VPS13B: variants seen among roughly 807,000 people sequenced by gnomAD.
VPS13B encodes intermembrane lipid transfer protein VPS13B.
Under a neutral mutation model 426.4 loss-of-function variants are expected in VPS13B, and 285 were observed. The observed-to-expected ratio is 0.67, with a 90% confidence interval of 0.61 to 0.74. VPS13B has a LOEUF of 0.74. Ranked by LOEUF, VPS13B falls within the 30% of genes least tolerant of loss-of-function variation. VPS13B has a pLI of 0.00. For synonymous variants in VPS13B, 1,676 were observed against 1,676.4 expected, an observed-to-expected ratio of 1.00 and a Z score of 0.01; for missense variants, 4,537 against 4,782.6, an observed-to-expected ratio of 0.95 and a Z score of 1.51.
intron 19 of VPS13B, among the ~76,000 whole-genome samples, chr8:99,276,278 G>A (rs1818890859): frequency 6.6e-6 from 1 of 152,110 alleles, no homozygotes; most frequent in Non-Finnish European, 1.5e-5. Flanking sequence ...GTATTTGAAA[G>A]GTGAGTCTAA....
chr8:99,350,250 C>G (rs1405587112), intron 19 of VPS13B, among the ~76,000 whole-genome samples: 7 of 152,142 alleles, frequency 4.6e-5, no homozygotes, highest in Non-Finnish European at 8.8e-5. Flanking sequence ...TGTAGAGAAA[C>G]ATAGTGGCCA....
rs765521979 is a variant in VPS13B, at chr8:99,854,296, C to G, written c.10867+40C>G. On this transcript the variant is annotated intron_variant, in intron 56 of 61. Transcript: ENST00000357162. ...TGAGGGTCTGTGATGAGCTAGAGCCCGGGTAGAAATGACACGCTTGGGGGT... is the reference window on the plus strand; with the variant it reads ...TGAGGGTCTGTGATGAGCTAGAGCCGGGGTAGAAATGACACGCTTGGGGGT... The G allele has an allele frequency of 2.5e-6, 4 of 1,597,864 alleles. No individual in the cohort carries two copies. The South Asian group carries it at 4.5e-5, about 18-fold the overall frequency.
intron 58 of VPS13B, among the ~76,000 whole-genome samples, chr8:99,864,084 A>C (rs1816971697): frequency 6.6e-6 from 1 of 152,186 alleles, no homozygotes; most frequent in South Asian, 2.1e-4. Context: ...CTGGTCCTAG[A>C]ACTACCAGGT....
chr8:99,778,584 A>C (rs540017201), intron 41 of VPS13B, 98 bp from the exon 42 acceptor site: 44 of 1,089,932 alleles, frequency 4.0e-5, no homozygotes, highest in Non-Finnish European at 6.0e-5. Context: ...TAATTTCAAT[A>C]ATCAAAAAGT....
chr8:99,060,415 C>G (rs1295504974), intron 3 of VPS13B, among the ~76,000 whole-genome samples: 1 of 152,012 alleles, frequency 6.6e-6, no homozygotes, highest in East Asian at 1.9e-4. Context: ...TCGAGACCAG[C>G]CTGGTCAACA....
intron 19 of VPS13B, among the ~76,000 whole-genome samples, chr8:99,306,786 C>T (rs1381328468): frequency 6.6e-6 from 1 of 152,018 alleles, no homozygotes; most frequent in East Asian, 1.9e-4. Flanking sequence ...AGGCATCTCA[C>T]TTGAAATCTC....
At chr8:99,292,281 C>A (rs1255870168) in intron 19 of VPS13B, among the ~76,000 whole-genome samples, 1 of 152,110 alleles carries the variant, frequency 6.6e-6, no homozygotes, top group African/African-American at 2.4e-5. Flanking sequence ...AGTGAAACAT[C>A]TTTATCAAGT....
At position 99,326,452 on chromosome 8, in the gene VPS13B, C is replaced by CTTTTTT. The variant is rs747097247; in HGVS notation, c.2824+51223_2824+51228dup. Among the ~76,000 whole-genome samples, 191 of 32,520 alleles carry CTTTTTT rather than the reference C, an allele frequency of 5.9e-3. 67 individuals carry two copies. The highest frequency in any genetic ancestry group is 0.038 in the Middle Eastern group (1 of 26). The allele number at this position is 32,520 out of a possible 152,430, so 21.3% of individuals were successfully genotyped here. The stretch of plus-strand genomic sequence containing the variant: ...ATTTCTATCTATCATCTCTAGGTAG[C>CTTTTTT]TTTTTTTTTTTTTTTTTTTTTTTTT... On this transcript the variant is annotated intron_variant, in intron 19 of 61. Coordinates refer to ENST00000357162, the MANE Select transcript of VPS13B (RefSeq NM_152564.5).
At chr8:99,206,018 T>C (rs1814696740) in intron 17 of VPS13B, among the ~76,000 whole-genome samples, 1 of 152,232 alleles carries the variant, frequency 6.6e-6, no homozygotes, top group South Asian at 2.1e-4. Flanking sequence ...ATATGTATTA[T>C]TAATCAGGTT....
chr8:99,573,735 A>C (rs1001317228), intron 31 of VPS13B, among the ~76,000 whole-genome samples: 7 of 152,162 alleles, frequency 4.6e-5, no homozygotes, highest in Admixed American at 1.3e-4. Flanking sequence ...AGGTAGCGTG[A>C]TGCCTCCAGC....
intron 21 of VPS13B, among the ~76,000 whole-genome samples, chr8:99,425,812 C>T (rs867931898): frequency 1.1e-4 from 16 of 152,184 alleles, no homozygotes; most frequent in Non-Finnish European, 2.2e-4. Flanking sequence ...CCCATCATCT[C>T]AGCCCAAAAT....
intron 36 of VPS13B, among the ~76,000 whole-genome samples, chr8:99,708,549 A>G (rs763740124): frequency 3.3e-5 from 5 of 152,080 alleles, no homozygotes; most frequent in South Asian, 2.1e-4. Flanking sequence ...GCTTTTACTT[A>G]CCAGTAAGGA....
At chr8:99,647,236 A>G (rs981624590) in intron 34 of VPS13B, among the ~76,000 whole-genome samples, 5 of 152,184 alleles carry the variant, frequency 3.3e-5, no homozygotes, top group Non-Finnish European at 7.3e-5. Flanking sequence ...TATAGAAATC[A>G]TATAAAAAAA....
intron 3 of VPS13B, among the ~76,000 whole-genome samples, chr8:99,078,805 C>T (rs144971667): frequency 1.8e-4 from 27 of 152,012 alleles, no homozygotes; most frequent in Admixed American, 4.6e-4. Context: ...CTGGGTGTGC[C>T]GGTCCCCAGT....
chr8:99,731,948 G>T (rs1196816799), intron 39 of VPS13B, among the ~76,000 whole-genome samples: 1 of 152,130 alleles, frequency 6.6e-6, no homozygotes, highest in African/African-American at 2.4e-5. Flanking sequence ...TTACAATGAA[G>T]AAGCTGAGGA....
At chr8:99,536,537 A>G (rs527379892) in intron 30 of VPS13B, 1 of 422,652 alleles carries the variant, frequency 2.4e-6, no homozygotes, top group East Asian at 5.9e-5. Context: ...TGTCATATAC[A>G]TATGTGTGTG....
Position 99,501,695 on chromosome 8 carries a change from T to C in VPS13B, c.3879T>C (p.Ser1293=). The change falls in exon 26 of 62, where the codon TCT becomes TCC. Residue 1293 remains serine (S), a synonymous_variant. Coordinates refer to ENST00000357162, the MANE Select transcript of VPS13B (RefSeq NM_152564.5). ...ADIGTTTEGD[S]IQAGEESPFS... ...TTTTCTCCTCATCCCAGGGAGATTCTATACAAGCAGGTGAGGAATCACCAT... is the reference window on the plus strand; with the variant it reads ...TTTTCTCCTCATCCCAGGGAGATTCCATACAAGCAGGTGAGGAATCACCAT... The C allele has an allele frequency of 6.2e-7, 1 of 1,614,140 alleles. No individual in the cohort carries two copies. Among genetic ancestry groups the C allele is most frequent in the Non-Finnish European group, 8.5e-7 (1 of 1,179,988 alleles).
At chr8:99,314,304 T>C (rs892791334) in intron 19 of VPS13B, among the ~76,000 whole-genome samples, 2 of 152,190 alleles carry the variant, frequency 1.3e-5, no homozygotes, top group African/African-American at 4.8e-5. Flanking sequence ...TCGGCCATCT[T>C]GGAACCACCC....
At chr8:99,818,935 T>C in intron 47 of VPS13B, 47 bp downstream of exon 47, 1 of 1,594,558 alleles carries the variant, frequency 6.3e-7, no homozygotes, top group Non-Finnish European at 8.6e-7. Flanking sequence ...CTAGGAGAAA[T>C]TAAGTAGAAA....
Sources: allele counts gnomAD v4.1 joint callset (sites outside exome capture counted in the v4.1 genomes callset), GRCh38; gene constraint gnomAD v4.1.1; transcripts MANE v1.5; gene names NCBI Gene and HGNC (gene_info 2026-07-23, HGNC 2026-07-21).